TEX9: variants seen among roughly 807,000 people sequenced by gnomAD.
The protein encoded by TEX9 is testis-expressed protein 9.
TEX9 carries 74 observed loss-of-function variants against 59.6 expected under a neutral mutation model. That is an observed-to-expected ratio of 1.24 (90% CI 1.03 to 1.51). The LOEUF (loss-of-function observed/expected upper bound fraction) is 1.51. Among genes scored for constraint, TEX9 ranks in the 40% most tolerant of loss-of-function variants. TEX9 has a pLI of 0.00. For synonymous variants in TEX9, 186 were observed against 152.2 expected (o/e 1.22, Z -1.64); for missense variants, 522 against 447.8 (o/e 1.17, Z -1.49).
intron 1 of TEX9, among the ~76,000 whole-genome samples, chr15:56,297,173 G>A (rs944361263): frequency 1.3e-5 from 2 of 152,156 alleles, no homozygotes; most frequent in Non-Finnish European, 2.9e-5. Context: ...TGTTGACTTG[G>A]AATGTACCTA....
rs76692286 is a variant in TEX9 at position 56,310,906 on chromosome 15, C to T, written c.-106-62535C>T. Among the ~76,000 whole-genome samples, 446 of 152,258 alleles carry T rather than the reference C, an allele frequency of 2.9e-3. 12 individuals carry two copies. In the East Asian group the frequency reaches 0.04, roughly 14 times the overall value. ...ATGCACAGGCTTCCACATTTGGGCT[C>T]AGTCCCAACTCTCCTTCCGATTGCA... On this transcript the variant is annotated intron_variant, in intron 1 of 5. Coordinates refer to the TEX9 transcript ENST00000560827.
chr15:56,322,403 A>T (rs181618653), intron 1 of TEX9, among the ~76,000 whole-genome samples: 95 of 152,310 alleles, frequency 6.2e-4, no homozygotes, highest in Middle Eastern at 3.4e-3. Flanking sequence ...TATGGAATTA[A>T]GAAAACCATC....
At chr15:56,368,682 A>C (rs1461781714) in intron 2 of TEX9, among the ~76,000 whole-genome samples, 2 of 152,180 alleles carry the variant, frequency 1.3e-5, no homozygotes, top group Non-Finnish European at 2.9e-5. Context: ...GTATGTTTTA[A>C]AATACATTAG....
rs1283664110 is a variant in TEX9 at position 56,280,711 on chromosome 15, G to A, written c.-107+36433G>A. Among the ~76,000 whole-genome samples the A allele has an allele frequency of 2.0e-5, 3 of 152,288 alleles. No homozygotes were observed. In the East Asian group the frequency reaches 5.8e-4, roughly 29 times the overall value. On this transcript the variant is annotated intron_variant, in intron 1 of 5. Coordinates refer to the TEX9 transcript ENST00000560827. ...ATACTGAAGAAAGTTATCTGAAGAG[G>A]TATATAACAGAATCATTGAAGCTGG... is the stretch of plus-strand genomic sequence containing the variant.
intron 1 of TEX9, among the ~76,000 whole-genome samples, chr15:56,340,178 G>A (rs1246484874): frequency 2.6e-5 from 4 of 152,080 alleles, no homozygotes; most frequent in Non-Finnish European, 4.4e-5. Flanking sequence ...GGGATTTTCT[G>A]CTATAATAGC....
intron 1 of TEX9, among the ~76,000 whole-genome samples, chr15:56,251,873 G>A (rs547655295): frequency 1.2e-4 from 19 of 152,140 alleles, no homozygotes; most frequent in African/African-American, 3.4e-4. Flanking sequence ...TACAAGCGAC[G>A]GCATAGAAAC....
intron 1 of TEX9, among the ~76,000 whole-genome samples, chr15:56,288,738 T>C (rs2045012071): frequency 6.6e-6 from 1 of 152,200 alleles, no homozygotes; most frequent in African/African-American, 2.4e-5. Flanking sequence ...TTGAATCTGA[T>C]TGGAGGCTTT....
chr15:56,433,894 A>G (rs1166857715), intron 12 of TEX9, among the ~76,000 whole-genome samples: 1 of 152,160 alleles, frequency 6.6e-6, no homozygotes, highest in Non-Finnish European at 1.5e-5. Flanking sequence ...CCATAAATTC[A>G]TAAGTGACAT....
chr15:56,414,613 C>G (rs145340999), intron 10 of TEX9, among the ~76,000 whole-genome samples: 1 of 151,706 alleles, frequency 6.6e-6, no homozygotes, highest in Non-Finnish European at 1.5e-5. Flanking sequence ...ATGGTGTATA[C>G]GTACCAAATT....
At chr15:56,253,858 C>T (rs1298897647) in intron 1 of TEX9, among the ~76,000 whole-genome samples, 1 of 152,030 alleles carries the variant, frequency 6.6e-6, no homozygotes, top group Non-Finnish European at 1.5e-5. Context: ...ATAGACTACC[C>T]AATGTGTTGT....
chr15:56,281,193 C>T (rs754015662), intron 1 of TEX9, among the ~76,000 whole-genome samples: 14 of 152,068 alleles, frequency 9.2e-5, no homozygotes, highest in Non-Finnish European at 1.3e-4. Context: ...TGTTGCAGAA[C>T]GGTGAGGGGA....
chr15:56,355,409 T>C (rs2046665527), intron 1 of TEX9, among the ~76,000 whole-genome samples: 1 of 152,188 alleles, frequency 6.6e-6, no homozygotes, highest in Non-Finnish European at 1.5e-5. Context: ...AACTATCCTT[T>C]CTCCATTTCA....
chr15:56,284,554 G>A (rs141221340), intron 1 of TEX9, among the ~76,000 whole-genome samples: 51 of 151,978 alleles, frequency 3.4e-4, no homozygotes, highest in Middle Eastern at 3.4e-3. Context: ...TTATTATTGC[G>A]TTAAAGAAGG....
At position 56,394,680 on chromosome 15, in the gene TEX9, T is replaced by G. The variant is rs2048371170; in HGVS notation, c.674T>G (p.Leu225Ter). 9.4e-6 allele frequency: 15 copies of G among 1,600,098 alleles called. No individual in the cohort carries two copies. Among genetic ancestry groups the G allele is most frequent in the Non-Finnish European group, 1.3e-5 (15 of 1,171,300 alleles). ...CTATAGGAGGATGAAATTCAGAATT[T>G]AAAGTCTCAAGTAAAAAATTTTGAA... The change falls in exon 9 of 13, where the codon TTA (leucine) becomes TGA (stop). Residue 225 changes from leucine (L) to a stop codon, truncating the protein, a stop_gained. Transcript: ENST00000352903. LOFTEE classifies it high-confidence loss of function.
intron 1 of TEX9, among the ~76,000 whole-genome samples, chr15:56,258,551 G>A (rs1436593447): frequency 6.6e-6 from 1 of 151,954 alleles, no homozygotes; most frequent in Non-Finnish European, 1.5e-5. Context: ...TGTAGCAATT[G>A]TGAATGGAAG....
intron 12 of TEX9, among the ~76,000 whole-genome samples, chr15:56,433,945 C>G (rs142948395): frequency 6.6e-6 from 1 of 152,074 alleles, no homozygotes; most frequent in African/African-American, 2.4e-5. Context: ...CAATACCAAC[C>G]AGTGTTTAGC....
chr15:56,448,525 C>T (rs1479560964), downstream of TEX9, among the ~76,000 whole-genome samples: 1 of 152,226 alleles, frequency 6.6e-6, no homozygotes, highest in Non-Finnish European at 1.5e-5. Context: ...CTTAGGATAA[C>T]GGCCTCCAGC....
intron 4 of TEX9, among the ~76,000 whole-genome samples, chr15:56,386,328 ACTCT>A (rs2047958396): frequency 1.3e-5 from 2 of 150,668 alleles, no homozygotes; most frequent in South Asian, 4.2e-4. Flanking sequence ...TGGTGGAAAT[ACTCT>A]CTGTCTTGGT....
intron 10 of TEX9, among the ~76,000 whole-genome samples, chr15:56,413,387 A>T (rs1379265638): frequency 1.3e-5 from 2 of 150,634 alleles, no homozygotes; most frequent in African/African-American, 4.8e-5. Flanking sequence ...TTAATAATTT[A>T]AAAATTTTAA....
Sources: allele counts gnomAD v4.1 joint callset (sites outside exome capture counted in the v4.1 genomes callset), GRCh38; gene constraint gnomAD v4.1.1; transcripts MANE v1.5; gene names NCBI Gene and HGNC (gene_info 2026-07-23, HGNC 2026-07-21).